DNAH5: variants seen among roughly 807,000 people sequenced by gnomAD.
DNAH5 encodes the protein axonemal beta dynein heavy chain 5.
Under a neutral mutation model 518.2 loss-of-function variants are expected in DNAH5, and 372 were observed. The observed-to-expected ratio is 0.72, with a 90% CI of 0.66 to 0.78. The LOEUF (loss-of-function observed/expected upper bound fraction) is 0.78. Among genes scored for constraint, DNAH5 ranks in the 30% least tolerant of loss-of-function variants. The pLI is 0.00. For missense variants in DNAH5, 5,523 were observed against 5,687.0 expected, an observed-to-expected ratio of 0.97 and a Z score of 0.93; for synonymous variants, 2,039 against 2,025.9, an observed-to-expected ratio of 1.01 and a Z score of -0.17.
At chr5:13,890,544 A>G (rs1166912635) in intron 17 of DNAH5, among the ~76,000 whole-genome samples, 1 of 152,166 alleles carries the variant, frequency 6.6e-6, no homozygotes, top group East Asian at 1.9e-4. Context: ...ATTCCCAGCA[A>G]TGGCTCCAGA....
intron 1 of DNAH5, among the ~76,000 whole-genome samples, chr5:13,989,396 T>A (rs10035977): frequency 0.3 from 45,164 of 150,620 alleles, 7,055 homozygotes; most frequent in East Asian, 0.61. Context: ...AAAAAAAAAA[T>A]CCGGTCCCAA....
At chr5:13,749,857 G>A (rs1450630405) in intron 65 of DNAH5, among the ~76,000 whole-genome samples, 1 of 152,026 alleles carries the variant, frequency 6.6e-6, no homozygotes, top group Non-Finnish European at 1.5e-5. Context: ...GATTTAACTC[G>A]GGACTCAAAA....
In DNAH5 at chr5:13,809,073, G is replaced by A; in HGVS notation, c.7723C>T (p.Leu2575=). 1 of 1,614,190 alleles carries A rather than the reference G, an allele frequency of 6.2e-7. No individual in the cohort carries two copies. Among genetic ancestry groups the A allele is most frequent in the Non-Finnish European group, 8.5e-7 (1 of 1,180,024 alleles). The change falls in exon 46 of 79, where the codon CTA becomes TTA. Residue 2575 remains leucine (L), a synonymous_variant. Coordinates refer to ENST00000265104, the MANE Select transcript of DNAH5 (RefSeq NM_001369.3). ...PNVDNVRTDF[L]IQTIAKQGKA... is the part of the protein sequence containing the mutation. Reference sequence around the variant, plus strand: ...CCCTGTTTAGCAATGGTTTGAATTAGAAAGTCAGTCCTCACATTGTCAACA... The same window carrying A: ...CCCTGTTTAGCAATGGTTTGAATTAAAAAGTCAGTCCTCACATTGTCAACA...
chr5:13,910,673 A>G (rs1775875758), intron 12 of DNAH5, among the ~76,000 whole-genome samples: 1 of 152,090 alleles, frequency 6.6e-6, no homozygotes, highest in African/African-American at 2.4e-5. Flanking sequence ...TTTCCTGATA[A>G]TAAACATTCC....
intron 51 of DNAH5, among the ~76,000 whole-genome samples, chr5:13,787,806 A>G (rs898222119): frequency 2.1e-4 from 32 of 152,192 alleles, no homozygotes; most frequent in African/African-American, 7.7e-4. Context: ...TTGCATCTCC[A>G]GAAATAAACA....
chr5:13,828,373 G>A (rs1290767544), intron 38 of DNAH5, among the ~76,000 whole-genome samples: 1 of 152,210 alleles, frequency 6.6e-6, no homozygotes, highest in African/African-American at 2.4e-5. Flanking sequence ...TTATTGCACT[G>A]TGTCATTATT....
intron 1 of DNAH5, among the ~76,000 whole-genome samples, chr5:13,975,292 A>G (rs1490936945): frequency 6.6e-6 from 1 of 152,164 alleles, no homozygotes; most frequent in Admixed American, 6.5e-5. Context: ...CCACAAGAGC[A>G]GTGTGGGGGA....
intron 74 of DNAH5, 84 bp from the exon 75 acceptor site, chr5:13,714,704 T>C: frequency 7.7e-7 from 1 of 1,305,006 alleles, no homozygotes; most frequent in Non-Finnish European, 1.1e-6. Flanking sequence ...CAAAAATGCT[T>C]CTATGAGGGT....
chr5:13,940,343 G>C (rs1302195656), intron 1 of DNAH5, among the ~76,000 whole-genome samples: 5 of 152,058 alleles, frequency 3.3e-5, no homozygotes, highest in Admixed American at 1.3e-4. Context: ...CTCTCATGTA[G>C]AATTTCAAGA....
chr5:13,882,675 T>G, intron 21 of DNAH5, 53 bp downstream of exon 21: 1 of 1,371,032 alleles, frequency 7.3e-7, no homozygotes, highest in South Asian at 1.2e-5. Context: ...ACATTTAAGC[T>G]CAATGAATGT....
At chr5:13,766,896 A>T (rs928343074) in intron 58 of DNAH5, among the ~76,000 whole-genome samples, 8 of 152,212 alleles carry the variant, frequency 5.3e-5, no homozygotes, top group Admixed American at 2.0e-4. Flanking sequence ...AATTGGAAAC[A>T]ATCCTATCTC....
rs775466242 is a variant in DNAH5 at position 13,845,005 on chromosome 5, G to A, written c.5115-12C>T. On this transcript the variant is annotated splice_polypyrimidine_tract_variant and intron_variant, in intron 31 of 78. Transcript: ENST00000265104. Reference sequence around the variant, plus strand: ...TTTTCTCCAAGTACCTACAAGGAGAGGAAAAACATAAACCTTTATAACCAC... The same window carrying A: ...TTTTCTCCAAGTACCTACAAGGAGAAGAAAAACATAAACCTTTATAACCAC... 5.0e-6 allele frequency: 8 copies of A among 1,612,374 alleles called. No individual in the cohort carries two copies. Among genetic ancestry groups the A allele is most frequent in the Non-Finnish European group, 6.8e-6 (8 of 1,178,748 alleles).
At chr5:13,814,945 T>A in intron 42 of DNAH5, 99 bp from the exon 43 acceptor site, 1 of 1,070,372 alleles carries the variant, frequency 9.3e-7, no homozygotes, top group Non-Finnish European at 1.4e-6. Context: ...ATATTAGATG[T>A]AATTTTCATT....
chr5:13,729,372 T>C (rs556007936), intron 69 of DNAH5, 67 bp downstream of exon 69: 1 of 1,596,596 alleles, frequency 6.3e-7, no homozygotes, highest in Admixed American at 1.7e-5. Context: ...ACAAATATTG[T>C]ACCTAGTGAT....
Position 13,930,992 on chromosome 5 carries a change from T to A in DNAH5, c.192+118A>T, listed in dbSNP as rs989907984. The A allele has an allele frequency of 2.8e-5, 42 of 1,484,662 alleles. No homozygotes were observed. The African/African-American group carries it at 5.4e-4, about 19-fold the overall frequency. 92.0% of individuals were successfully genotyped at this position (1,484,662 alleles called of 1,614,324 possible). ...AGTACAGAGTCAGAATGGAGCCCTGTCCACGTTAAGACAGGCACCTCCCTC... is the reference window on the plus strand; with the variant it reads ...AGTACAGAGTCAGAATGGAGCCCTGACCACGTTAAGACAGGCACCTCCCTC... On this transcript the variant is annotated intron_variant, in intron 2 of 78. Coordinates refer to ENST00000265104, the MANE Select transcript of DNAH5 (RefSeq NM_001369.3).
intron 1 of DNAH5, among the ~76,000 whole-genome samples, chr5:13,942,193 G>A (rs1779521174): frequency 6.6e-6 from 1 of 152,110 alleles, no homozygotes; most frequent in South Asian, 2.1e-4. Context: ...AAAGATATAT[G>A]GCTTGACTTT....
chr5:13,776,305 A>T, intron 55 of DNAH5, 134 bp downstream of exon 55: 1 of 1,211,460 alleles, frequency 8.3e-7, no homozygotes, highest in Non-Finnish European at 1.2e-6. Context: ...CCATGAGATT[A>T]AACCTCTGTG....
chr5:13,893,035 T>C (rs1170229552), intron 16 of DNAH5, among the ~76,000 whole-genome samples: 1 of 152,208 alleles, frequency 6.6e-6, no homozygotes, highest in East Asian at 1.9e-4. Flanking sequence ...TTTCTCACTC[T>C]ACTCCCCTCC....
chr5:13,789,891 T>A (rs1021051445), intron 50 of DNAH5, among the ~76,000 whole-genome samples: 6 of 152,086 alleles, frequency 3.9e-5, no homozygotes, highest in Non-Finnish European at 7.4e-5. Flanking sequence ...CCCCAAAATA[T>A]CATTAACAGA....
Sources: gnomAD v4.1 joint callset for allele counts (sites outside exome capture counted in the v4.1 genomes callset) on GRCh38, gnomAD v4.1.1 for gene constraint, MANE v1.5 for transcripts, NCBI Gene and HGNC (gene_info 2026-07-23, HGNC 2026-07-21) for gene names.